The following METTL2B variants were observed in gnomAD, a reference collection of about 807,000 sequenced individuals.
METTL2B encodes the protein methyltransferase 2B, tRNA N3-cytidine.
Under a neutral mutation model 51.0 loss-of-function variants are expected in METTL2B, and 28 were observed. The observed-to-expected ratio is 0.55, with a 90% CI of 0.41 to 0.75. The LOEUF (loss-of-function observed/expected upper bound fraction) is 0.75, where lower values mean the gene tolerates loss of function less well. Ranked by LOEUF, METTL2B falls within the 30% of genes least tolerant of loss-of-function variation. The pLI is 0.00. For missense variants in METTL2B, 313 were observed against 460.7 expected, an observed-to-expected ratio of 0.68 and a Z score of 2.93; for synonymous variants, 128 against 166.3, an observed-to-expected ratio of 0.77 and a Z score of 1.77.
chr7:128,494,636 A>T (rs1481530534), intron 6 of METTL2B, among the ~76,000 whole-genome samples: 2 of 150,332 alleles, frequency 1.3e-5, no homozygotes, highest in South Asian at 4.2e-4. Context: ...ATTTTATTTT[A>T]TTTTTTTTTG....
At chr7:128,498,563 A>G (rs1792968023) in intron 7 of METTL2B, among the ~76,000 whole-genome samples, 1 of 152,108 alleles carries the variant, frequency 6.6e-6, no homozygotes, top group African/African-American at 2.4e-5. Context: ...GAAACTCTAG[A>G]ATTAGAACTC....
intron 4 of METTL2B, among the ~76,000 whole-genome samples, chr7:128,481,933 C>T (rs557277307): frequency 6.7e-4 from 102 of 152,268 alleles, no homozygotes; most frequent in African/African-American, 2.3e-3. Flanking sequence ...CATAAGTCAC[C>T]GTTCCCAGCC....
In METTL2B at chr7:128,476,792, ACCTGCAAT is replaced by A. The variant is rs1799804654; in HGVS notation, c.31_38del (p.Ala11ArgfsTer3). On this transcript the variant is annotated frameshift_variant, in exon 1 of 9. Coordinates refer to ENST00000262432, the MANE Select transcript of METTL2B (RefSeq NM_018396.3). LOFTEE classifies it high-confidence loss of function. ...TGGCCGGCTCCTACCCTGAAGGTGC[ACCTGCAAT>A]CCTCGCCGATAAGAGGCAGCAGTTC... The A allele has an allele frequency of 3.1e-6, 5 of 1,614,160 alleles. No homozygotes were observed. In the African/African-American group the frequency reaches 4.0e-5, roughly 13 times the overall value.
chr7:128,482,593 G>A (rs1257420936), intron 4 of METTL2B, among the ~76,000 whole-genome samples: 1 of 152,140 alleles, frequency 6.6e-6, no homozygotes, highest in Non-Finnish European at 1.5e-5. Flanking sequence ...GAGTGCAGTG[G>A]CGTAATCTTG....
At position 128,502,569 on chromosome 7, in the gene METTL2B, GTGTTCT is replaced by G. The variant is rs1470562241; in HGVS notation, c.*658_*663del. 3 of 453,376 alleles carry G rather than the reference GTGTTCT, an allele frequency of 6.6e-6. No individual in the cohort carries two copies. Among genetic ancestry groups the G allele is most frequent in the Non-Finnish European group, 1.3e-5 (3 of 226,212 alleles). The allele number at this position is 453,376 out of a possible 1,614,324, so 28.1% of individuals were successfully genotyped here. On this transcript the variant is annotated 3_prime_UTR_variant, in exon 9 of 9. Coordinates refer to ENST00000262432, the MANE Select transcript of METTL2B (RefSeq NM_018396.3). ...ACCCTGTAGACAGCATCAAAATGTG[GTGTTCT>G]TGTTAAGTAATTGATCGTGGTCTTT... is the stretch of plus-strand genomic sequence containing the variant.
At chr7:128,477,385 A>T (rs1032426939) in intron 2 of METTL2B, among the ~76,000 whole-genome samples, 5 of 152,126 alleles carry the variant, frequency 3.3e-5, no homozygotes, top group African/African-American at 1.2e-4. Context: ...TTTTTAATAT[A>T]TAGTTTTACT....
intron 8 of METTL2B, 81 bp from the exon 9 acceptor site, chr7:128,501,681 C>T: frequency 1.3e-6 from 2 of 1,554,468 alleles, no homozygotes; most frequent in Non-Finnish European, 1.7e-6. Context: ...TTCCCAGAGC[C>T]CCATTTAACA....
intron 7 of METTL2B, among the ~76,000 whole-genome samples, chr7:128,498,975 C>T (rs1429575847): frequency 1.4e-5 from 2 of 138,162 alleles, no homozygotes; most frequent in Non-Finnish European, 3.1e-5. Flanking sequence ...CCAGCCTGGG[C>T]AACAAGAGTG....
chr7:128,480,248 C>T (rs927792959), intron 3 of METTL2B, among the ~76,000 whole-genome samples: 25 of 152,334 alleles, frequency 1.6e-4, no homozygotes, highest in African/African-American at 5.1e-4. Context: ...TTCATTACCA[C>T]GCAGCACTGT....
chr7:128,497,047 G>C (rs1392401731), intron 6 of METTL2B, among the ~76,000 whole-genome samples: 1 of 151,630 alleles, frequency 6.6e-6, no homozygotes. Context: ...CCATTTTTCT[G>C]TTTTTTGTTT....
intron 6 of METTL2B, among the ~76,000 whole-genome samples, chr7:128,497,815 G>A (rs1792950605): frequency 6.6e-6 from 1 of 152,208 alleles, no homozygotes; most frequent in African/African-American, 2.4e-5. Context: ...GCAGAAGCAG[G>A]CTGTCCTTGG....
At position 128,502,025 on chromosome 7, in the gene METTL2B, A is replaced by G; in HGVS notation, c.*109A>G. On this transcript the variant is annotated 3_prime_UTR_variant, in exon 9 of 9. Transcript: ENST00000262432. ...ATGCCTGTAATCCCAGCCACTCAGGAGGCTGAGGCAGGGAGGATCCATTGA... is the reference window on the plus strand; with the variant it reads ...ATGCCTGTAATCCCAGCCACTCAGGGGGCTGAGGCAGGGAGGATCCATTGA... 1 of 1,490,520 alleles carries G rather than the reference A, an allele frequency of 6.7e-7. No homozygotes were observed. Among genetic ancestry groups the G allele is most frequent in the Non-Finnish European group, 9.1e-7 (1 of 1,103,538 alleles). The allele number at this position is 1,490,520 out of a possible 1,614,324, so 92.3% of individuals were successfully genotyped here.
chr7:128,481,646 T>C (rs2732425), intron 4 of METTL2B, among the ~76,000 whole-genome samples: 17 of 151,410 alleles, frequency 1.1e-4, no homozygotes, highest in African/African-American at 3.6e-4. Flanking sequence ...TCATCAAGGG[T>C]TTTTTTTTAG....
chr7:128,492,401 G>A (rs151231785), intron 5 of METTL2B, among the ~76,000 whole-genome samples: 71 of 151,678 alleles, frequency 4.7e-4, no homozygotes, highest in Non-Finnish European at 5.9e-4. Flanking sequence ...CAGGTAATCC[G>A]CCCACCTCGA....
At chr7:128,501,387 G>T in intron 8 of METTL2B, 1 of 985,402 alleles carries the variant, frequency 1.0e-6, no homozygotes, top group Non-Finnish European at 1.2e-6. Flanking sequence ...TCCTTCACTT[G>T]GGCCTTCTGT....
At chr7:128,485,152 T>G (rs181783888) in intron 4 of METTL2B, among the ~76,000 whole-genome samples, 1 of 152,344 alleles carries the variant, frequency 6.6e-6, no homozygotes, top group East Asian at 1.9e-4. Flanking sequence ...AGAGCCCAAT[T>G]AAGGACTCTG....
chr7:128,476,822 G>A lies in METTL2B; in HGVS notation c.57G>A (p.Gln19=), dbSNP rs765429745. 4 of 1,614,188 alleles carry A rather than the reference G, an allele frequency of 2.5e-6. No homozygotes were observed. The South Asian group carries it at 4.4e-5, about 18-fold the overall frequency. The change falls in exon 1 of 9, where the codon CAG becomes CAA. Residue 19 remains glutamine, a synonymous_variant. Coordinates refer to ENST00000262432, the MANE Select transcript of METTL2B (RefSeq NM_018396.3). ...APAILADKRQ[Q]FGSRFLSDPA... ...CAATCCTCGCCGATAAGAGGCAGCAGTTCGGAAGCCGGTTCCTGAGCGATC... is the reference window on the plus strand; with the variant it reads ...CAATCCTCGCCGATAAGAGGCAGCAATTCGGAAGCCGGTTCCTGAGCGATC...
chr7:128,479,649 G>C, intron 3 of METTL2B, 136 bp downstream of exon 3: 1 of 910,222 alleles, frequency 1.1e-6, no homozygotes, highest in Admixed American at 2.9e-5. Context: ...TATTAGCCTG[G>C]AATCACCTCC....
intron 2 of METTL2B, among the ~76,000 whole-genome samples, chr7:128,478,955 A>G (rs775527087): frequency 1.1e-4 from 17 of 152,360 alleles, no homozygotes; most frequent in Middle Eastern, 3.4e-3. Context: ...TTAGACTCCT[A>G]TAATGACGGA....
Sources: allele counts gnomAD v4.1 joint callset (sites outside exome capture counted in the v4.1 genomes callset), GRCh38; gene constraint gnomAD v4.1.1; transcripts MANE v1.5; gene names NCBI Gene and HGNC (gene_info 2026-07-23, HGNC 2026-07-21).